TRMT9B: variants seen among roughly 807,000 people sequenced by gnomAD.
TRMT9B encodes the protein tRNA methyltransferase 9B (putative), also known as probable tRNA methyltransferase 9B.
In TRMT9B, 16 loss-of-function variants were observed where a neutral mutation model predicts 11.5. The observed-to-expected ratio is 1.39, with a 90% CI of 0.94 to 2.11. The LOEUF is 2.11. Among genes scored for constraint, TRMT9B ranks in the 30% most tolerant of loss-of-function variants. TRMT9B has a pLI of 0.00. For synonymous variants in TRMT9B, 274 were observed against 192.4 expected (o/e 1.42, Z -3.51); for missense variants, 941 against 553.8 (o/e 1.70, Z -7.02).
At chr8:12,996,885 C>T (rs1482277458) in intron 2 of TRMT9B, among the ~76,000 whole-genome samples, 1 of 152,114 alleles carries the variant, frequency 6.6e-6, no homozygotes, top group Non-Finnish European at 1.5e-5. Flanking sequence ...CCCAGGCAGC[C>T]TCTATCCCAC....
chr8:13,012,009 C>A, intron 3 of TRMT9B: 1 of 985,278 alleles, frequency 1.0e-6, no homozygotes, highest in South Asian at 4.7e-5. Context: ...TGCGTATATA[C>A]AAAATGAAAT....
intron 1 of TRMT9B, among the ~76,000 whole-genome samples, chr8:12,974,668 A>C (rs1804152649): frequency 1.3e-5 from 2 of 151,978 alleles, no homozygotes; most frequent in Non-Finnish European, 2.9e-5. Context: ...CAGTGAAAGT[A>C]ATGTTGTGAG....
intron 1 of TRMT9B, among the ~76,000 whole-genome samples, chr8:12,955,868 G>A (rs1433555307): frequency 1.3e-5 from 2 of 152,246 alleles, no homozygotes; most frequent in South Asian, 2.1e-4. Flanking sequence ...TGGGCCCCCA[G>A]GGTTGCTGCT....
intron 1 of TRMT9B, chr8:12,951,419 C>A (rs558477962): frequency 6.6e-6 from 1 of 152,396 alleles, no homozygotes; most frequent in Admixed American, 6.5e-5. Flanking sequence ...CCAGGTGCTC[C>A]CGCCGGGGCG....
intron 1 of TRMT9B, among the ~76,000 whole-genome samples, chr8:12,989,403 T>C (rs778145531): frequency 4.6e-5 from 7 of 152,212 alleles, no homozygotes; most frequent in Non-Finnish European, 7.3e-5. Context: ...TGGATCCTAA[T>C]TTAGGAAAAA....
intron 2 of TRMT9B, among the ~76,000 whole-genome samples, chr8:12,997,620 A>G (rs1808601896): frequency 6.6e-6 from 1 of 152,184 alleles, no homozygotes; most frequent in East Asian, 1.9e-4. Context: ...ATATACCACA[A>G]TTTATTTGAT....
intron 2 of TRMT9B, among the ~76,000 whole-genome samples, chr8:12,993,480 C>G (rs991587263): frequency 6.6e-6 from 1 of 152,144 alleles, no homozygotes; most frequent in Admixed American, 6.5e-5. Context: ...GTGTTGCCAA[C>G]TCCCATCTTT....
intron 1 of TRMT9B, among the ~76,000 whole-genome samples, chr8:12,974,010 T>A (rs10107893): frequency 0.45 from 67,023 of 150,470 alleles, 15,219 homozygotes; most frequent in East Asian, 0.63. Flanking sequence ...TATATTAAAA[T>A]TTTTTTTTTA....
intron 1 of TRMT9B, among the ~76,000 whole-genome samples, chr8:12,965,745 A>G (rs1802725061): frequency 6.6e-6 from 1 of 151,908 alleles, no homozygotes; most frequent in African/African-American, 2.4e-5. Flanking sequence ...GGGCACAGCA[A>G]CTCACGCCTG....
At position 13,021,384 on chromosome 8, in the gene TRMT9B, A is replaced by C; in HGVS notation, c.705A>C (p.Glu235Asp). Reference sequence around the variant, plus strand: ...CAAATATTTCTAAGGAAGGCGAGGAAGAATATGGATTTTACAGCACATTAG... The same window carrying C: ...CAAATATTTCTAAGGAAGGCGAGGACGAATATGGATTTTACAGCACATTAG... ...CFANISKEGE[E>D]EYGFYSTLGK... Residue 235 changes from glutamate (E) to aspartate (D), a missense_variant, in exon 5 of 5, where the codon GAA (glutamate) becomes GAC (aspartate). Transcript: ENST00000524591. 6.2e-7 allele frequency: 1 copy of C among 1,614,060 alleles called. No individual in the cohort carries two copies. Among genetic ancestry groups the C allele is most frequent in the Non-Finnish European group, 8.5e-7 (1 of 1,179,904 alleles).
chr8:12,974,740 G>C (rs1487777010), intron 1 of TRMT9B, among the ~76,000 whole-genome samples: 1 of 152,204 alleles, frequency 6.6e-6, no homozygotes, highest in Non-Finnish European at 1.5e-5. Context: ...TCTCTTGCAT[G>C]AAAAGGGACA....
intron 1 of TRMT9B, among the ~76,000 whole-genome samples, chr8:12,948,626 G>A (rs1295885659): frequency 1.3e-5 from 2 of 151,316 alleles, no homozygotes; most frequent in African/African-American, 4.8e-5. Flanking sequence ...AAGAAACTTA[G>A]TTAACTAAGC....
chr8:12,962,523 C>G (rs939584000), intron 1 of TRMT9B, among the ~76,000 whole-genome samples: 2 of 152,062 alleles, frequency 1.3e-5, no homozygotes, highest in African/African-American at 4.8e-5. Flanking sequence ...TAGGGTTCCC[C>G]TCTATCACCC....
chr8:12,954,780 T>A (rs1422247493), intron 1 of TRMT9B, among the ~76,000 whole-genome samples: 1 of 152,204 alleles, frequency 6.6e-6, no homozygotes, highest in Non-Finnish European at 1.5e-5. Context: ...AGCTGAGACA[T>A]CTTCAAAAAG....
At chr8:12,957,267 T>C (rs1466444839) in intron 1 of TRMT9B, among the ~76,000 whole-genome samples, 2 of 152,240 alleles carry the variant, frequency 1.3e-5, no homozygotes, top group Non-Finnish European at 2.9e-5. Flanking sequence ...TTGTCTTCTC[T>C]GTTCCCTTTA....
Position 12,945,781 on chromosome 8 carries a change from T to G in TRMT9B, c.-385T>G, listed in dbSNP as rs1346302155. 2 of 152,164 alleles carry G rather than the reference T, an allele frequency of 1.3e-5. No individual in the cohort carries two copies. The highest frequency in any genetic ancestry group is 2.9e-5 in the Non-Finnish European group (2 of 68,048). 9.4% of individuals were successfully genotyped at this position (152,164 alleles called of 1,614,324 possible). The stretch of plus-strand genomic sequence containing the variant: ...TTTTATTCTTTTTTCATTTTTTGTG[T>G]TTTTTGTTAGTTTGTTTTGAATTTT... On this transcript the variant is annotated 5_prime_UTR_variant, in exon 1 of 5. Coordinates refer to ENST00000524591, the MANE Select transcript of TRMT9B (RefSeq NM_020844.3).
At chr8:13,013,406 A>T (rs1335258613) in intron 4 of TRMT9B, among the ~76,000 whole-genome samples, 12 of 152,156 alleles carry the variant, frequency 7.9e-5, no homozygotes, top group Non-Finnish European at 1.6e-4. Context: ...GAGATCGTTC[A>T]TGAGTCTAGG....
rs376987427 is a variant in TRMT9B at position 12,962,978 on chromosome 8, C to G, written c.-200+17012C>G. ...TTGTCAAGTTAAAAACTTGTAGCCACATGATTTGGGGGTTTGATTTCTTCC... is the reference window on the plus strand; with the variant it reads ...TTGTCAAGTTAAAAACTTGTAGCCAGATGATTTGGGGGTTTGATTTCTTCC... On this transcript the variant is annotated intron_variant, in intron 1 of 4. Transcript: ENST00000524591. Among the ~76,000 whole-genome samples the G allele has an allele frequency of 4.6e-5, 7 of 152,248 alleles. No homozygotes were observed. In the South Asian group the frequency reaches 1.0e-3, roughly 23 times the overall value.
At chr8:12,997,436 C>T (rs75948497) in intron 2 of TRMT9B, among the ~76,000 whole-genome samples, 1 of 152,052 alleles carries the variant, frequency 6.6e-6, no homozygotes, top group Non-Finnish European at 1.5e-5. Flanking sequence ...ATGCTGGTGC[C>T]ATGCTTGTAC....
Sources: allele counts gnomAD v4.1 joint callset (sites outside exome capture counted in the v4.1 genomes callset), GRCh38; gene constraint gnomAD v4.1.1; transcripts MANE v1.5; gene names NCBI Gene and HGNC (gene_info 2026-07-23, HGNC 2026-07-21).